Variants in FBXL13 observed in about 807,000 individuals in gnomAD.
FBXL13 encodes F-box and leucine-rich repeat protein 13.
FBXL13 carries 67 observed loss-of-function variants against 83.6 expected under a neutral mutation model. That is an observed-to-expected ratio of 0.80 (90% confidence interval 0.66 to 0.98). FBXL13 has a LOEUF of 0.98. Ranked by LOEUF, FBXL13 falls within the 50% of genes least tolerant of loss-of-function variation. The pLI, the probability that FBXL13 is intolerant of heterozygous loss-of-function variation, is 0.00. For missense variants in FBXL13, 822 were observed against 866.5 expected, an observed-to-expected ratio of 0.95 and a Z score of 0.64; for synonymous variants, 272 against 299.5, an observed-to-expected ratio of 0.91 and a Z score of 0.95.
At chr7:102,893,214 A>G (rs1188002494) in intron 11 of FBXL13, among the ~76,000 whole-genome samples, 1 of 152,218 alleles carries the variant, frequency 6.6e-6, no homozygotes, top group Non-Finnish European at 1.5e-5. Flanking sequence ...ACCCAGATGT[A>G]TCACAGCAAC....
Position 102,957,299 on chromosome 7 carries a change from T to G in FBXL13, c.724+6234A>C, listed in dbSNP as rs148161258. 1.4e-4 allele frequency among the ~76,000 whole-genome samples: 22 copies of G among 152,280 alleles called. No homozygotes were observed. In the Middle Eastern group the frequency reaches 0.01, roughly 71 times the overall value. ...AGAAATGGGGAAAGGATTCCCTATTTAATAAATAATGCTGGGAAAATTGGC... is the reference window on the plus strand; with the variant it reads ...AGAAATGGGGAAAGGATTCCCTATTGAATAAATAATGCTGGGAAAATTGGC... On this transcript the variant is annotated intron_variant, in intron 8 of 19. Coordinates refer to ENST00000313221, the Ensembl canonical transcript of FBXL13.
intron 2 of FBXL13, among the ~76,000 whole-genome samples, chr7:103,035,959 C>T (rs1795024587): frequency 1.3e-5 from 2 of 152,172 alleles, no homozygotes; most frequent in South Asian, 4.1e-4. Context: ...GGTACAGGTC[C>T]ATGGCCTGTT....
At chr7:103,036,708 C>A (rs147899087) in intron 2 of FBXL13, among the ~76,000 whole-genome samples, 1,670 of 152,228 alleles carry the variant, frequency 0.011, 35 homozygotes, top group African/African-American at 0.039. Flanking sequence ...AATGGGGTTT[C>A]ACCATGTTGC....
intron 6 of FBXL13, among the ~76,000 whole-genome samples, chr7:102,993,396 G>A (rs1016548929): frequency 6.6e-6 from 1 of 152,094 alleles, no homozygotes; most frequent in Non-Finnish European, 1.5e-5. Flanking sequence ...TTTTATAACC[G>A]TTTGCAAGTC....
At chr7:102,854,445 G>A (rs868735787) in intron 17 of FBXL13, among the ~76,000 whole-genome samples, 106 of 152,146 alleles carry the variant, frequency 7.0e-4, no homozygotes, top group Middle Eastern at 6.8e-3. Flanking sequence ...TGGGTGCAGC[G>A]CACCAGCATG....
intron 16 of FBXL13, among the ~76,000 whole-genome samples, chr7:102,870,401 G>A (rs1294425316): frequency 2.0e-5 from 3 of 152,116 alleles, no homozygotes; most frequent in Non-Finnish European, 4.4e-5. Context: ...ATTGAGAAGT[G>A]TGATTTTCTG....
At chr7:103,043,822 C>T (rs2129493464) in intron 2 of FBXL13, among the ~76,000 whole-genome samples, 1 of 152,326 alleles carries the variant, frequency 6.6e-6, no homozygotes, top group South Asian at 2.1e-4. Context: ...CCTGAATATA[C>T]ACATCTTAAA....
At chr7:102,896,289 A>C (rs1207552177) in intron 11 of FBXL13, among the ~76,000 whole-genome samples, 1 of 152,182 alleles carries the variant, frequency 6.6e-6, no homozygotes, top group Non-Finnish European at 1.5e-5. Flanking sequence ...TTATGTTGAA[A>C]GTAGACTTGC....
intron 2 of FBXL13, among the ~76,000 whole-genome samples, chr7:103,053,492 C>G (rs1055932364): frequency 6.6e-6 from 1 of 152,188 alleles, no homozygotes; most frequent in Admixed American, 6.5e-5. Context: ...CTACGGGCTT[C>G]TAGCTGGACA....
chr7:102,931,795 A>G, intron 9 of FBXL13, 86 bp downstream of exon 10: 1 of 1,267,610 alleles, frequency 7.9e-7, no homozygotes, highest in Non-Finnish European at 1.1e-6. Flanking sequence ...CCAAATAAGC[A>G]CACAAGCATC....
At chr7:103,069,033 C>CGTT (rs1798666133) in intron 1 of FBXL13, among the ~76,000 whole-genome samples, 1 of 150,438 alleles carries the variant, frequency 6.6e-6, no homozygotes, top group Non-Finnish European at 1.5e-5. Context: ...TCTGCCCGGC[C>CGTT]GCCCCACCGT....
chr7:102,845,731 A>G (rs1028427334), intron 17 of FBXL13, among the ~76,000 whole-genome samples: 2 of 152,164 alleles, frequency 1.3e-5, no homozygotes, highest in East Asian at 1.9e-4. Flanking sequence ...CCCCTGGACT[A>G]TAACAAAAAC....
chr7:102,849,785 G>A (rs1804863082), intron 17 of FBXL13, among the ~76,000 whole-genome samples: 2 of 152,124 alleles, frequency 1.3e-5, no homozygotes, highest in Admixed American at 1.3e-4. Context: ...AATCTTGGAA[G>A]AGGTAAAACT....
chr7:103,071,551 C>CT (rs774310534), intron 1 of FBXL13, among the ~76,000 whole-genome samples: 18,106 of 126,118 alleles, frequency 0.14, 1,301 homozygotes, highest in East Asian at 0.23. Flanking sequence ...GACAAGTTAG[C>CT]TTTTTTTTTT....
chr7:103,046,612 A>G (rs778034609), intron 2 of FBXL13, among the ~76,000 whole-genome samples: 2 of 152,224 alleles, frequency 1.3e-5, no homozygotes, highest in Non-Finnish European at 2.9e-5. Flanking sequence ...ATCCTTCACG[A>G]ATAAAAGTAT....
chr7:103,012,290 G>A (rs536108234), intron 6 of FBXL13, among the ~76,000 whole-genome samples: 2 of 151,276 alleles, frequency 1.3e-5, no homozygotes, highest in East Asian at 2.0e-4. Flanking sequence ...CAGGAGAATC[G>A]CTTGAACCCA....
chr7:103,046,928 G>A (rs929246711), intron 2 of FBXL13: 1 of 152,198 alleles, frequency 6.6e-6, no homozygotes, highest in African/African-American at 2.4e-5. Context: ...GGCAAGCACA[G>A]TCTTTCTCTG....
chr7:102,915,098 C>T (rs934707159), intron 10 of FBXL13, among the ~76,000 whole-genome samples: 3 of 150,686 alleles, frequency 2.0e-5, no homozygotes, highest in Non-Finnish European at 4.4e-5. Flanking sequence ...ATTGTTTTCT[C>T]ATTTGTTAAG....
rs77606690 is a variant in FBXL13, at chr7:102,919,462, T to C, written c.879-6247A>G. Among the ~76,000 whole-genome samples, 569 of 152,300 alleles carry C rather than the reference T, an allele frequency of 3.7e-3. 5 individuals are homozygous for C. The highest frequency in any genetic ancestry group is 0.014 in the African/African-American group (562 of 41,572). ...TGCCTTCCCTAGCTGAGAAAAAATA[T>C]ATTTTAGTGTTCAAAAGGTTTAAAA... On this transcript the variant is annotated intron_variant, in intron 10 of 19. Transcript: ENST00000313221.
Sources: gnomAD v4.1 joint callset for allele counts (sites outside exome capture counted in the v4.1 genomes callset) on GRCh38, gnomAD v4.1.1 for gene constraint, MANE v1.5 for transcripts, NCBI Gene and HGNC (gene_info 2026-07-23, HGNC 2026-07-21) for gene names.